Variants in C17orf67 observed in about 807,000 individuals in gnomAD.
C17orf67 encodes the protein uncharacterized protein C17orf67.
C17orf67 carries 12 observed loss-of-function variants against 11.2 expected under a neutral mutation model. The observed-to-expected ratio is 1.07, with a 90% CI of 0.68 to 1.73. The LOEUF (loss-of-function observed/expected upper bound fraction) is 1.73. Ranked by LOEUF, C17orf67 falls within the 40% of genes most tolerant of loss-of-function variation. The pLI is 0.00. For synonymous variants in C17orf67, 59 were observed against 46.9 expected (o/e 1.26, Z -1.05); for missense variants, 115 against 113.5 (o/e 1.01, Z -0.06).
chr17:56,822,634 T>G (rs1905931920), intron 4 of C17orf67, among the ~76,000 whole-genome samples: 1 of 152,242 alleles, frequency 6.6e-6, no homozygotes, highest in South Asian at 2.1e-4. Context: ...TCTTTGCATA[T>G]GCACTCTATT....
intron 6 of C17orf67, among the ~76,000 whole-genome samples, chr17:56,799,743 G>C (rs1172216530): frequency 6.6e-6 from 1 of 152,156 alleles, no homozygotes; most frequent in Non-Finnish European, 1.5e-5. Context: ...ATTTGGTGTT[G>C]TCCATGTTCC....
At chr17:56,814,389 G>A (rs770902548) in intron 6 of C17orf67, among the ~76,000 whole-genome samples, 6 of 152,176 alleles carry the variant, frequency 3.9e-5, no homozygotes, top group Non-Finnish European at 7.3e-5. Flanking sequence ...TGACCCCACA[G>A]GGCAGAAGTA....
At chr17:56,827,877 T>C (rs1034434270) in intron 2 of C17orf67, among the ~76,000 whole-genome samples, 1 of 152,198 alleles carries the variant, frequency 6.6e-6, no homozygotes, top group African/African-American at 2.4e-5. Flanking sequence ...CCTCAGACTG[T>C]GGTTTTCGAA....
intron 4 of C17orf67, among the ~76,000 whole-genome samples, chr17:56,817,763 T>A (rs930715144): frequency 2.6e-5 from 4 of 152,248 alleles, no homozygotes; most frequent in Non-Finnish European, 4.4e-5. Context: ...CTGGCCCATT[T>A]GCTCAAAATT....
chr17:56,820,358 C>T (rs747928963), intron 4 of C17orf67, among the ~76,000 whole-genome samples: 1 of 152,124 alleles, frequency 6.6e-6, no homozygotes, highest in Non-Finnish European at 1.5e-5. Flanking sequence ...GTGGCTGGAG[C>T]GTGTCCCAGC....
At chr17:56,831,217 G>C (rs145158030) in intron 2 of C17orf67, among the ~76,000 whole-genome samples, 356 of 152,242 alleles carry the variant, frequency 2.3e-3, no homozygotes, top group Non-Finnish European at 2.8e-3. Flanking sequence ...GGGGGGGATG[G>C]AGAGATGGGC....
chr17:56,814,990 C>T (rs375687290), intron 5 of C17orf67, 21 bp from the exon 6 acceptor site: 9 of 1,594,216 alleles, frequency 5.6e-6, no homozygotes, highest in African/African-American at 5.4e-5. Context: ...CGGGAAGGTG[C>T]CTTAAGGACA....
intron 6 of C17orf67, among the ~76,000 whole-genome samples, chr17:56,809,871 TCACA>T (rs986818150): frequency 3.0e-5 from 3 of 98,650 alleles, no homozygotes; most frequent in African/African-American, 1.2e-4. Context: ...ACCTGCACCT[TCACA>T]CACCTCTCAC....
At chr17:56,831,404 A>G (rs1034924575) in intron 2 of C17orf67, among the ~76,000 whole-genome samples, 4 of 152,178 alleles carry the variant, frequency 2.6e-5, no homozygotes, top group Non-Finnish European at 5.9e-5. Flanking sequence ...TGGATGATAA[A>G]TTGGAATAAA....
intron 6 of C17orf67, among the ~76,000 whole-genome samples, chr17:56,801,716 G>A (rs562764681): frequency 5.9e-5 from 9 of 152,344 alleles, no homozygotes; most frequent in Admixed American, 1.3e-4. Flanking sequence ...GAACATGTTT[G>A]CGGATTTGGG....
chr17:56,830,779 G>A (rs1367394015), intron 2 of C17orf67, among the ~76,000 whole-genome samples: 3 of 152,236 alleles, frequency 2.0e-5, no homozygotes, highest in Non-Finnish European at 4.4e-5. Context: ...AAGTATGAAT[G>A]GAGGTCACTC....
chr17:56,809,615 GCA>G (rs1384295060), intron 6 of C17orf67, among the ~76,000 whole-genome samples: 3 of 82,494 alleles, frequency 3.6e-5, no homozygotes, highest in African/African-American at 1.5e-4. Context: ...ACCCTCACGC[GCA>G]CACACACCCA....
At chr17:56,803,468 A>T (rs989245299) in intron 6 of C17orf67, among the ~76,000 whole-genome samples, 5 of 152,188 alleles carry the variant, frequency 3.3e-5, no homozygotes, top group Non-Finnish European at 5.9e-5. Context: ...TTGCATCTTT[A>T]CTCATTTAAT....
At chr17:56,817,176 T>C (rs1239288426) in intron 4 of C17orf67, among the ~76,000 whole-genome samples, 1 of 152,090 alleles carries the variant, frequency 6.6e-6, no homozygotes, top group Non-Finnish European at 1.5e-5. Flanking sequence ...AATACATGAT[T>C]AAAATATGTC....
intron 4 of C17orf67, among the ~76,000 whole-genome samples, 198 bp from the exon 5 acceptor site, chr17:56,816,208 T>G (rs186532841): frequency 1.9e-3 from 283 of 152,300 alleles, no homozygotes; most frequent in Middle Eastern, 6.8e-3. Flanking sequence ...TTTAGGACAT[T>G]TTTCTAAAGC....
At chr17:56,796,559 C>T (rs996793969) in intron 6 of C17orf67, among the ~76,000 whole-genome samples, 2 of 151,412 alleles carry the variant, frequency 1.3e-5, no homozygotes, top group Non-Finnish European at 3.0e-5. Flanking sequence ...ACCAGTCCTG[C>T]CCCTTACTGT....
chr17:56,817,149 C>T (rs887174939), intron 4 of C17orf67, among the ~76,000 whole-genome samples: 1 of 151,820 alleles, frequency 6.6e-6, no homozygotes, highest in African/African-American at 2.4e-5. Flanking sequence ...AGACACTGCT[C>T]TCAGCCTAAG....
At chr17:56,811,417 G>A (rs1905621736) in intron 6 of C17orf67, among the ~76,000 whole-genome samples, 1 of 152,120 alleles carries the variant, frequency 6.6e-6, no homozygotes. Context: ...GCCACAGCTG[G>A]GTGGGCACCT....
intron 4 of C17orf67, among the ~76,000 whole-genome samples, chr17:56,823,679 GA>G (rs1306856604): frequency 6.6e-6 from 1 of 152,088 alleles, no homozygotes; most frequent in Non-Finnish European, 1.5e-5. Context: ...AAAAAAACAA[GA>G]GAGAAAAACA....
Sources: allele counts gnomAD v4.1 joint callset (sites outside exome capture counted in the v4.1 genomes callset), GRCh38; gene constraint gnomAD v4.1.1; transcripts MANE v1.5; gene names NCBI Gene and HGNC (gene_info 2026-07-23, HGNC 2026-07-21).